Variants in GALNT10 observed in about 807,000 individuals in gnomAD.
GALNT10 encodes GalNAc transferase 10.
A neutral mutation model predicts 75.0 loss-of-function variants in GALNT10; 41 were observed. The ratio of observed to expected loss-of-function variants is 0.55; its 90% confidence interval spans 0.43 to 0.71. The LOEUF (loss-of-function observed/expected upper bound fraction) is 0.71. Ranked by LOEUF, GALNT10 falls within the 30% of genes least tolerant of loss-of-function variation. The probability of loss-of-function intolerance (pLI) is 0.00; values close to 1 mark genes in which losing one functional copy is unlikely to be tolerated. For synonymous variants in GALNT10, 302 were observed against 313.0 expected (o/e 0.96, Z 0.37); for missense variants, 727 against 818.5 (o/e 0.89, Z 1.36).
chr5:154,292,856 C>A (rs79271542), intron 1 of GALNT10, among the ~76,000 whole-genome samples: 57 of 152,268 alleles, frequency 3.7e-4, no homozygotes, highest in African/African-American at 1.3e-3. Flanking sequence ...GCCGGGGTCC[C>A]CTCCTGTAGA....
chr5:154,255,477 T>C (rs762350247), intron 1 of GALNT10, among the ~76,000 whole-genome samples: 7 of 152,118 alleles, frequency 4.6e-5, no homozygotes, highest in Non-Finnish European at 1.0e-4. Context: ...CTGATAGAAC[T>C]TTTTATAGGT....
chr5:154,270,204 C>T (rs1290632662), intron 1 of GALNT10, among the ~76,000 whole-genome samples: 1 of 151,088 alleles, frequency 6.6e-6, no homozygotes, highest in Non-Finnish European at 1.5e-5. Context: ...TTACATCTCA[C>T]ATCTTTCAGC....
intron 5 of GALNT10, among the ~76,000 whole-genome samples, chr5:154,378,746 G>A (rs968816183): frequency 6.6e-6 from 1 of 152,180 alleles, no homozygotes; most frequent in Admixed American, 6.5e-5. Context: ...TTGAACCTGG[G>A]CATTCTGTCC....
rs12658732 is a variant in GALNT10 at position 154,324,344 on chromosome 5, T to C, written c.402-5228T>C. On this transcript the variant is annotated intron_variant, in intron 3 of 11. Coordinates refer to ENST00000297107, the MANE Select transcript of GALNT10 (RefSeq NM_198321.4). ...ATGCCCCCTCCCAATGACTAATTGATGCTTGGATATAAAGGCCAGGCTGCT... is the reference window on the plus strand; with the variant it reads ...ATGCCCCCTCCCAATGACTAATTGACGCTTGGATATAAAGGCCAGGCTGCT... Among the ~76,000 whole-genome samples the C allele has an allele frequency of 5.3e-5, 8 of 152,314 alleles. No individual in the cohort carries two copies. The East Asian group carries it at 1.5e-3, about 29-fold the overall frequency.
chr5:154,237,687 G>A (rs1462569178), intron 1 of GALNT10, among the ~76,000 whole-genome samples: 1 of 152,204 alleles, frequency 6.6e-6, no homozygotes, highest in Non-Finnish European at 1.5e-5. Flanking sequence ...AGGAGCCCTG[G>A]CCAAGCATTT....
chr5:154,384,954 C>T (rs752330216), intron 6 of GALNT10, among the ~76,000 whole-genome samples: 11 of 152,296 alleles, frequency 7.2e-5, no homozygotes, highest in African/African-American at 2.4e-4. Context: ...GTACAGCACC[C>T]GGCATATTCA....
intron 4 of GALNT10, among the ~76,000 whole-genome samples, chr5:154,364,863 G>T (rs574267749): frequency 6.6e-6 from 1 of 152,296 alleles, no homozygotes; most frequent in East Asian, 1.9e-4. Context: ...GTGAAAAAGT[G>T]AAGTGGGCTG....
intron 1 of GALNT10, among the ~76,000 whole-genome samples, chr5:154,260,673 T>C: frequency 6.6e-6 from 1 of 152,220 alleles, no homozygotes; most frequent in East Asian, 1.9e-4. Context: ...TAAAAGCATA[T>C]GTTTCTCAAG....
At chr5:154,256,495 A>G (rs889979569) in intron 1 of GALNT10, among the ~76,000 whole-genome samples, 1 of 151,558 alleles carries the variant, frequency 6.6e-6, no homozygotes, top group Non-Finnish European at 1.5e-5. Flanking sequence ...TTATTATTTC[A>G]TATCACTAGG....
chr5:154,295,388 A>T (rs1445125904), intron 2 of GALNT10, among the ~76,000 whole-genome samples: 1 of 152,016 alleles, frequency 6.6e-6, no homozygotes, highest in Non-Finnish European at 1.5e-5. Context: ...CCCATTTAAT[A>T]AGAAGGGGCC....
chr5:154,224,165 A>G (rs967425429), intron 1 of GALNT10, among the ~76,000 whole-genome samples: 2 of 152,076 alleles, frequency 1.3e-5, no homozygotes, highest in African/African-American at 4.8e-5. Flanking sequence ...CGGGGAGGGG[A>G]AGTATTATAG....
At chr5:154,319,605 G>A (rs1305257101) in intron 3 of GALNT10, among the ~76,000 whole-genome samples, 4 of 152,216 alleles carry the variant, frequency 2.6e-5, no homozygotes. Flanking sequence ...TCTCTAAACT[G>A]TCAGGCGTAA....
intron 7 of GALNT10, among the ~76,000 whole-genome samples, chr5:154,397,733 A>T (rs561150017): frequency 2.6e-5 from 4 of 152,352 alleles, no homozygotes; most frequent in African/African-American, 9.6e-5. Flanking sequence ...CAACGGCAAA[A>T]GCCGTGGCCA....
intron 3 of GALNT10, among the ~76,000 whole-genome samples, chr5:154,299,652 AC>A (rs1754332218): frequency 1.3e-5 from 2 of 152,154 alleles, no homozygotes; most frequent in Admixed American, 1.3e-4. Context: ...CTACAACAAT[AC>A]TTTGAGGTTG....
intron 4 of GALNT10, among the ~76,000 whole-genome samples, chr5:154,341,994 A>G (rs779090286): frequency 1.3e-5 from 2 of 152,190 alleles, no homozygotes; most frequent in Admixed American, 6.5e-5. Flanking sequence ...CCCCAAAGCC[A>G]TAAGTACTGT....
chr5:154,242,772 G>T (rs1291210789), intron 1 of GALNT10, among the ~76,000 whole-genome samples: 4 of 152,116 alleles, frequency 2.6e-5, no homozygotes, highest in Non-Finnish European at 5.9e-5. Context: ...CCTCAACCCA[G>T]ACTCCCAGAT....
At chr5:154,388,678 C>T (rs1755843391) in intron 7 of GALNT10, 1 of 134,584 alleles carries the variant, frequency 7.4e-6, no homozygotes, top group Non-Finnish European at 1.6e-5. Flanking sequence ...TCTGCCTCAC[C>T]CTTTCTGGGA....
chr5:154,382,254 T>G (rs1283599084), intron 6 of GALNT10, among the ~76,000 whole-genome samples: 45 of 152,328 alleles, frequency 3.0e-4, no homozygotes, highest in Non-Finnish European at 1.5e-5. Flanking sequence ...GCCAGGACAA[T>G]GGACCAGCCT....
intron 1 of GALNT10, among the ~76,000 whole-genome samples, chr5:154,244,724 CAG>C (rs1753394227): frequency 1.3e-5 from 2 of 152,106 alleles, no homozygotes; most frequent in Admixed American, 1.3e-4. Flanking sequence ...AGGCAGCAGC[CAG>C]AGAGGGCAAA....
Sources: allele counts gnomAD v4.1 joint callset (sites outside exome capture counted in the v4.1 genomes callset), GRCh38; gene constraint gnomAD v4.1.1; transcripts MANE v1.5; gene names NCBI Gene and HGNC (gene_info 2026-07-23, HGNC 2026-07-21).